Variants in ENTREP2 observed in about 807,000 individuals in gnomAD.
The protein encoded by ENTREP2 is protein ENTREP2.
the ENTREP2 span, among the ~76,000 whole-genome samples, chr15:29,264,817 T>C: frequency 3.9e-5 from 6 of 152,084 alleles, no homozygotes; most frequent in Non-Finnish European, 8.8e-5. Context: ...AATGATAATA[T>C]AGGAAAATTA....
At chr15:29,504,173 G>C in the ENTREP2 span, among the ~76,000 whole-genome samples, 1 of 152,136 alleles carries the variant, frequency 6.6e-6, no homozygotes, top group African/African-American at 2.4e-5. Flanking sequence ...CTAGAGACAG[G>C]CTCTACCAAC....
the ENTREP2 span, chr15:29,195,235 T>C: frequency 7.1e-6 from 7 of 985,236 alleles, no homozygotes; most frequent in African/African-American, 1.7e-5. Context: ...GTGCAAAACA[T>C]GACAGGCGCT....
chr15:29,319,441 T>C, the ENTREP2 span, among the ~76,000 whole-genome samples: 1 of 152,218 alleles, frequency 6.6e-6, no homozygotes, highest in South Asian at 2.1e-4. Flanking sequence ...AATTCACTGC[T>C]GCCATCAGTC....
the ENTREP2 span, among the ~76,000 whole-genome samples, chr15:29,177,657 A>C: frequency 1.3e-5 from 2 of 152,128 alleles, no homozygotes; most frequent in Admixed American, 6.5e-5. Context: ...TGGACTCGTG[A>C]GGCTGATGCA....
the ENTREP2 span, chr15:29,121,331 G>A: frequency 1.3e-5 from 2 of 152,342 alleles, no homozygotes; most frequent in African/African-American, 2.4e-5. Flanking sequence ...TCCACTGGGT[G>A]GCTGGTGGTC....
chr15:29,468,067 G>C, the ENTREP2 span, among the ~76,000 whole-genome samples: 72,862 of 151,444 alleles, frequency 0.48, 17,972 homozygotes, highest in African/African-American at 0.61. Flanking sequence ...CCGGACAGAA[G>C]ACAAGCTGCT....
chr15:29,478,671 G>A, the ENTREP2 span, among the ~76,000 whole-genome samples: 8 of 151,814 alleles, frequency 5.3e-5, no homozygotes, highest in South Asian at 2.1e-4. Flanking sequence ...TTGGGAGGCC[G>A]AGGCAGGAGG....
At chr15:29,416,364 T>G in the ENTREP2 span, among the ~76,000 whole-genome samples, 1 of 152,186 alleles carries the variant, frequency 6.6e-6, no homozygotes, top group Admixed American at 6.5e-5. Flanking sequence ...CCATCTGATC[T>G]TTGACTAACC....
chr15:29,431,262 C>G, the ENTREP2 span, among the ~76,000 whole-genome samples: 4 of 152,230 alleles, frequency 2.6e-5, no homozygotes, highest in Non-Finnish European at 5.9e-5. Context: ...TCCTGCGATG[C>G]CACGCTGGCC....
At chr15:29,356,872 C>T in the ENTREP2 span, among the ~76,000 whole-genome samples, 2 of 152,000 alleles carry the variant, frequency 1.3e-5, no homozygotes, top group Admixed American at 6.6e-5. Context: ...TCATAAAATC[C>T]AACAAGCTGA....
At chr15:29,603,882 G>A in the ENTREP2 span, among the ~76,000 whole-genome samples, 1 of 152,058 alleles carries the variant, frequency 6.6e-6, no homozygotes, top group African/African-American at 2.4e-5. Flanking sequence ...CAGGTGATCC[G>A]CCTGCCTTGG....
the ENTREP2 span, among the ~76,000 whole-genome samples, chr15:29,550,895 AT>A: frequency 6.6e-6 from 1 of 152,098 alleles, no homozygotes; most frequent in African/African-American, 2.4e-5. Context: ...AGATTAGGAG[AT>A]TGAGGTCAAA....
the ENTREP2 span, chr15:29,269,395 ATCT>A: frequency 1.9e-6 from 3 of 1,614,040 alleles, no homozygotes; most frequent in East Asian, 2.2e-5. Context: ...CTTGATCGGA[ATCT>A]TCTTCTGGTC....
chr15:29,415,326 G>A, the ENTREP2 span, among the ~76,000 whole-genome samples: 1 of 152,152 alleles, frequency 6.6e-6, no homozygotes, highest in Non-Finnish European at 1.5e-5. Flanking sequence ...CTTCATCCCT[G>A]GGATGCAAGG....
the ENTREP2 span, among the ~76,000 whole-genome samples, chr15:29,481,543 C>T: frequency 1.4e-3 from 210 of 152,300 alleles, no homozygotes; most frequent in Admixed American, 9.2e-3. Context: ...AGTGTGAATA[C>T]TGTACTCTGC....
chr15:29,482,719 AGTTT>A, the ENTREP2 span, among the ~76,000 whole-genome samples: 1 of 152,186 alleles, frequency 6.6e-6, no homozygotes, highest in Non-Finnish European at 1.5e-5. Context: ...GATATCTCAC[AGTTT>A]ATTTATCAAT....
chr15:29,458,822 G>C, the ENTREP2 span, among the ~76,000 whole-genome samples: 1 of 152,192 alleles, frequency 6.6e-6, no homozygotes, highest in South Asian at 2.1e-4. Context: ...GACTCTTCAG[G>C]AAACCATTCC....
chr15:29,610,814 T>G, the ENTREP2 span: 1 of 139,898 alleles, frequency 7.1e-6, no homozygotes, highest in Non-Finnish European at 1.6e-5. Flanking sequence ...TATTCTGCAC[T>G]GAAACCTGGG....
the ENTREP2 span, among the ~76,000 whole-genome samples, chr15:29,264,536 G>A: frequency 7.2e-5 from 11 of 152,144 alleles, no homozygotes; most frequent in Admixed American, 3.9e-4. Context: ...CATTGCTTCT[G>A]TGATATTCTT....
Sources: allele counts gnomAD v4.1 joint callset (sites outside exome capture counted in the v4.1 genomes callset), GRCh38; gene constraint gnomAD v4.1.1; transcripts MANE v1.5; gene names NCBI Gene and HGNC (gene_info 2026-07-23, HGNC 2026-07-21).